Variants in NOTCH2NLB observed in about 807,000 individuals in gnomAD.
NOTCH2NLB encodes the protein notch homolog 2 N-terminal-like protein B.
Under a neutral mutation model 14.8 loss-of-function variants are expected in NOTCH2NLB, and 1 was observed. The observed-to-expected ratio is 0.07, with a 90% CI of 0.02 to 0.32. NOTCH2NLB has a LOEUF of 0.32. Among genes scored for constraint, NOTCH2NLB ranks in the 10% least tolerant of loss-of-function variants. The pLI is 1.00. For synonymous variants in NOTCH2NLB, 6 were observed against 57.5 expected, an observed-to-expected ratio of 0.10 and a Z score of 4.05; for missense variants, 11 against 155.0, an observed-to-expected ratio of 0.07 and a Z score of 4.93.
the NOTCH2NLB span, among the ~76,000 whole-genome samples, chr1:148,693,096 C>CA: frequency 1.7e-5 from 2 of 117,350 alleles, no homozygotes; most frequent in African/African-American, 3.7e-5. Context: ...CCGCCCCCCC[C>CA]CCCCCACCAT....
chr1:148,638,778 A>T (rs1664274829), intron 2 of NOTCH2NLB, among the ~76,000 whole-genome samples: 1 of 148,974 alleles, frequency 6.7e-6, no homozygotes, highest in South Asian at 2.1e-4. Context: ...GTCAGAACAG[A>T]TCTCACTGGA....
intron 2 of NOTCH2NLB, among the ~76,000 whole-genome samples, chr1:148,627,574 C>G (rs1664009501): frequency 6.7e-6 from 1 of 148,392 alleles, no homozygotes. Flanking sequence ...CTAGAAAATG[C>G]TATAGTACAC....
intron 1 of NOTCH2NLB, among the ~76,000 whole-genome samples, chr1:148,654,750 A>C (rs2149626454): frequency 1.0e-5 from 1 of 96,432 alleles, no homozygotes; most frequent in African/African-American, 3.3e-5. Flanking sequence ...ATGGGAGATA[A>C]ATTAAAATAA....
chr1:148,610,301 G>GAGAGAGAA (rs1381328851), intron 3 of NOTCH2NLB, among the ~76,000 whole-genome samples: 1 of 96,546 alleles, frequency 1.0e-5, no homozygotes, highest in Non-Finnish European at 2.1e-5. Context: ...GAGAGGGAAA[G>GAGAGAGAA]AGAGAGAAAG....
At chr1:148,651,162 A>AAATATATAT (rs1553341433) in intron 1 of NOTCH2NLB, among the ~76,000 whole-genome samples, 3 of 46,042 alleles carry the variant, frequency 6.5e-5, no homozygotes, top group Admixed American at 2.7e-4. Context: ...AAAAAAAAAA[A>AAATATATAT]ATATATATAT....
chr1:148,686,681 T>G, the NOTCH2NLB span, among the ~76,000 whole-genome samples: 1 of 113,530 alleles, frequency 8.8e-6, no homozygotes, highest in Non-Finnish European at 2.0e-5. Context: ...CCAGGCTTAC[T>G]TATGTAAACT....
chr1:148,645,593 G>A (rs1266396129), intron 1 of NOTCH2NLB, among the ~76,000 whole-genome samples: 2 of 148,522 alleles, frequency 1.3e-5, no homozygotes, highest in Non-Finnish European at 3.0e-5. Context: ...CCTCTTTCCT[G>A]AACAGATCGT....
the NOTCH2NLB span, among the ~76,000 whole-genome samples, chr1:148,695,587 AT>A: frequency 1.8e-5 from 1 of 57,126 alleles, no homozygotes; most frequent in African/African-American, 6.0e-5. Context: ...CCTCTATCAA[AT>A]TTTGGTACCA....
downstream of NOTCH2NLB, among the ~76,000 whole-genome samples, chr1:148,604,975 ACAC>A (rs1663464293): frequency 1.4e-5 from 2 of 146,674 alleles, no homozygotes; most frequent in East Asian, 2.0e-4. Context: ...ACACACACAC[ACAC>A]ACACACACAC....
rs1664572151 is a variant in NOTCH2NLB at position 148,658,573 on chromosome 1, TTTTTTTG to T, written c.4-18491_4-18485del. ...CACTTTTTTTTTTTTTTTTTTTTTT[TTTTTTTG>T]GAGACAGGATCTTGCTCTGTCACCC... On this transcript the variant is annotated intron_variant, in intron 1 of 4. Coordinates refer to ENST00000593495, the Ensembl canonical transcript of NOTCH2NLB. Among the ~76,000 whole-genome samples the T allele has an allele frequency of 5.9e-5, 5 of 85,124 alleles. No individual in the cohort carries two copies. In the South Asian group the frequency reaches 1.2e-3, roughly 21 times the overall value. 55.8% of individuals were successfully genotyped at this position (85,124 alleles called of 152,430 possible).
chr1:148,648,599 A>ATC lies in NOTCH2NLB; in HGVS notation c.4-8512_4-8511dup, dbSNP rs1416084740. Among the ~76,000 whole-genome samples, 16 of 128,424 alleles carry ATC rather than the reference A, an allele frequency of 1.2e-4. 1 individual carries two copies. Among genetic ancestry groups the ATC allele is most frequent in the Non-Finnish European group, 2.4e-4 (15 of 61,312 alleles). The allele number at this position is 128,424 out of a possible 152,430, so 84.3% of individuals were successfully genotyped here. On this transcript the variant is annotated intron_variant, in intron 1 of 4. Transcript: ENST00000593495. Reference sequence around the variant, plus strand: ...ATGTATTATAAGTGCTGGCTCACTCATCTCTCTCTCTCCCACTTCTAGGCA... The same window carrying ATC: ...ATGTATTATAAGTGCTGGCTCACTCATCTCTCTCTCTCTCCCACTTCTAGGCA...
chr1:148,661,101 A>G, intron 1 of NOTCH2NLB, among the ~76,000 whole-genome samples: 2 of 145,836 alleles, frequency 1.4e-5, no homozygotes, highest in Middle Eastern at 7.3e-3. Context: ...ATTGTTGTTG[A>G]TAATGACGAG....
intron 1 of NOTCH2NLB, among the ~76,000 whole-genome samples, chr1:148,651,144 G>GGAA (rs1225742292): frequency 3.9e-5 from 3 of 76,512 alleles, no homozygotes; most frequent in East Asian, 5.1e-4. Context: ...CTCTGCCTGA[G>GGAA]AAAAAAAAAA....
downstream of NOTCH2NLB, among the ~76,000 whole-genome samples, chr1:148,605,208 A>C (rs1663474985): frequency 7.3e-6 from 1 of 136,208 alleles, no homozygotes; most frequent in Admixed American, 7.2e-5. Context: ...TTCAGGACCC[A>C]GCCTAACCAC....
At chr1:148,628,246 G>A (rs1359246828) in intron 2 of NOTCH2NLB, among the ~76,000 whole-genome samples, 3 of 131,528 alleles carry the variant, frequency 2.3e-5, no homozygotes, top group Non-Finnish European at 4.6e-5. Flanking sequence ...CCAGGGACCT[G>A]GAGCCCTGAC....
chr1:148,703,154 G>A, the NOTCH2NLB span, among the ~76,000 whole-genome samples: 1 of 32,402 alleles, frequency 3.1e-5, no homozygotes, highest in African/African-American at 1.1e-4. Context: ...GCCGGGCATG[G>A]TGGCGGGCGC....
At chr1:148,615,157 C>A (rs1663774356) in intron 3 of NOTCH2NLB, among the ~76,000 whole-genome samples, 1 of 141,888 alleles carries the variant, frequency 7.0e-6, no homozygotes. Flanking sequence ...TTTTTTGAGA[C>A]AGGGTCTCAC....
At chr1:148,639,124 G>T (rs1664283750) in intron 2 of NOTCH2NLB, among the ~76,000 whole-genome samples, 1 of 141,660 alleles carries the variant, frequency 7.1e-6, no homozygotes, top group Non-Finnish European at 1.5e-5. Context: ...TGGAGAAAAA[G>T]GAAAAAAAAA....
chr1:148,610,912 AAG>A (rs1491556233), intron 3 of NOTCH2NLB, among the ~76,000 whole-genome samples: 2 of 90,134 alleles, frequency 2.2e-5, no homozygotes, highest in Non-Finnish European at 4.0e-5. Flanking sequence ...AAAAAAAAAA[AAG>A]GTGATCAGAA....
Sources: gnomAD v4.1 joint callset for allele counts (sites outside exome capture counted in the v4.1 genomes callset) on GRCh38, gnomAD v4.1.1 for gene constraint, MANE v1.5 for transcripts, NCBI Gene and HGNC (gene_info 2026-07-23, HGNC 2026-07-21) for gene names.